The following ITGB5 variants were observed in gnomAD, a reference collection of about 807,000 sequenced individuals.
ITGB5 encodes the protein integrin beta-5.
In ITGB5, 38 loss-of-function variants were observed where a neutral mutation model predicts 84.8. The observed-to-expected ratio is 0.45, with a 90% CI of 0.35 to 0.59. ITGB5 has a LOEUF of 0.59. Among genes scored for constraint, ITGB5 ranks in the 20% least tolerant of loss-of-function variants. The probability of loss-of-function intolerance (pLI) is 0.01; values close to 1 mark genes in which losing one functional copy is unlikely to be tolerated. For synonymous variants in ITGB5, 393 were observed against 414.4 expected, an observed-to-expected ratio of 0.95 and a Z score of 0.63; for missense variants, 905 against 1,034.5, an observed-to-expected ratio of 0.87 and a Z score of 1.72.
At chr3:124,876,367 AAC>A (rs200573477) in intron 1 of ITGB5, among the ~76,000 whole-genome samples, 1,945 of 152,248 alleles carry the variant, frequency 0.013, 54 homozygotes, top group African/African-American at 0.043. Flanking sequence ...TTAAAAAAAA[AAC>A]AAACCAGTAT....
In ITGB5 at chr3:124,808,592, G is replaced by C. The variant is rs546986494; in HGVS notation, c.1263+430C>G. Among the ~76,000 whole-genome samples, 41 of 152,328 alleles carry C rather than the reference G, an allele frequency of 2.7e-4. No homozygotes were observed. The South Asian group carries it at 5.4e-3, about 20-fold the overall frequency. On this transcript the variant is annotated intron_variant, in intron 9 of 14. Coordinates refer to ENST00000296181, the MANE Select transcript of ITGB5 (RefSeq NM_002213.5). ...TCTATTTCACCAAAACAGAATGGGG[G>C]GAGTGGCTTTCTTTACATTTCACAG...
At chr3:124,786,596 G>GAGAACAAC (rs1325128629) in intron 10 of ITGB5, among the ~76,000 whole-genome samples, 1 of 152,030 alleles carries the variant, frequency 6.6e-6, no homozygotes, top group Non-Finnish European at 1.5e-5. Flanking sequence ...CTCTGGGTCA[G>GAGAACAAC]AGAACAACAG....
At chr3:124,823,026 T>G (rs1298184040) in intron 5 of ITGB5, among the ~76,000 whole-genome samples, 1 of 151,960 alleles carries the variant, frequency 6.6e-6, no homozygotes, top group Non-Finnish European at 1.5e-5. Flanking sequence ...TTTGGGAGGC[T>G]GAGGTGAGAG....
chr3:124,826,684 G>C lies in ITGB5; in HGVS notation c.781-5210C>G, dbSNP rs572814314. 5.9e-5 allele frequency among the ~76,000 whole-genome samples: 9 copies of C among 152,294 alleles called. No homozygotes were observed. In the East Asian group the frequency reaches 1.5e-3, roughly 26 times the overall value. ...GAGAAGAACTGTGCATGTAATAAAT[G>C]GGATAATTCATAAACGTGCCTGGTT... On this transcript the variant is annotated intron_variant, in intron 5 of 14. Coordinates refer to ENST00000296181, the MANE Select transcript of ITGB5 (RefSeq NM_002213.5).
Position 124,841,487 on chromosome 3 carries a change from T to C in ITGB5, c.676A>G (p.Arg226Gly). The C allele has an allele frequency of 6.2e-7, 1 of 1,614,232 alleles. No individual in the cohort carries two copies. Among genetic ancestry groups the C allele is most frequent in the Non-Finnish European group, 8.5e-7 (1 of 1,180,034 alleles). ...GFRHLLPLTD[R>G]VDSFNEEVRK... ...ACTTCCTCATTGAAGCTGTCCACTC[T>C]GTCTGTGAGAGGCAGCAGATGGCGG... Residue 226 changes from arginine (R) to glycine (G), a missense_variant, in exon 5 of 15, where the codon AGA becomes GGA. Transcript: ENST00000296181.
intron 9 of ITGB5, among the ~76,000 whole-genome samples, chr3:124,806,424 A>AT (rs71145488): frequency 0.11 from 8,162 of 72,906 alleles, 1,909 homozygotes; most frequent in Non-Finnish European, 0.14. Flanking sequence ...GCCTCATTCC[A>AT]TTTTTTTTTT....
intron 4 of ITGB5, among the ~76,000 whole-genome samples, chr3:124,845,504 C>T (rs181329859): frequency 1.3e-5 from 2 of 152,358 alleles, no homozygotes; most frequent in African/African-American, 4.8e-5. Flanking sequence ...TTTCCTTCCA[C>T]ATTCTCATTC....
intron 2 of ITGB5, among the ~76,000 whole-genome samples, chr3:124,869,513 T>C (rs2065444508): frequency 6.6e-6 from 1 of 152,174 alleles, no homozygotes; most frequent in South Asian, 2.1e-4. Flanking sequence ...AGGTTGAAGC[T>C]AGAGTGAGCC....
chr3:124,793,555 G>A (rs544909362), intron 10 of ITGB5, among the ~76,000 whole-genome samples: 1 of 152,226 alleles, frequency 6.6e-6, no homozygotes. Flanking sequence ...ACTCATAGAG[G>A]AGCCAGCATT....
intron 10 of ITGB5, among the ~76,000 whole-genome samples, chr3:124,796,168 TGA>T (rs1016743459): frequency 1.1e-4 from 17 of 152,226 alleles, no homozygotes; most frequent in African/African-American, 4.1e-4. Flanking sequence ...CCTCGAATTC[TGA>T]GAGTCCACAA....
rs117360973 is a variant in ITGB5 at position 124,893,487 on chromosome 3, G to A, written c.-255+7779C>T. Among the ~76,000 whole-genome samples the A allele has an allele frequency of 1.1e-4, 16 of 152,260 alleles. No homozygotes were observed. In the East Asian group the frequency reaches 3.1e-3, roughly 29 times the overall value. ...ATTCCTTTTTATAGGAAAATGCTCT[G>A]TCATAAGTTTTTCTTTCCCTGTCCA... On this transcript the variant is annotated intron_variant, in intron 1 of 4. Transcript: ENST00000608657.
chr3:124,864,706 C>G (rs9815349), intron 2 of ITGB5, among the ~76,000 whole-genome samples: 23,835 of 151,628 alleles, frequency 0.16, 1,962 homozygotes, highest in South Asian at 0.21. Flanking sequence ...ACCCATATAA[C>G]AAACCTGCAC....
At chr3:124,817,130 C>T (rs2064613669) in intron 8 of ITGB5, among the ~76,000 whole-genome samples, 1 of 152,138 alleles carries the variant, frequency 6.6e-6, no homozygotes, top group Admixed American at 6.5e-5. Flanking sequence ...TGCAGCTCTA[C>T]CCTGAGCTCC....
chr3:124,838,188 T>C (rs2064962676), intron 5 of ITGB5, among the ~76,000 whole-genome samples: 1 of 149,038 alleles, frequency 6.7e-6, no homozygotes, highest in Admixed American at 6.7e-5. Context: ...TTCTTTATTC[T>C]GAAACTGTTC....
At chr3:124,821,837 C>T (rs1044988343) in intron 5 of ITGB5, among the ~76,000 whole-genome samples, 1 of 152,212 alleles carries the variant, frequency 6.6e-6, no homozygotes, top group African/African-American at 2.4e-5. Context: ...GCTATTCTTC[C>T]TTCCCCAGAA....
intron 9 of ITGB5, among the ~76,000 whole-genome samples, chr3:124,799,985 C>T (rs1254799936): frequency 6.6e-6 from 1 of 152,108 alleles, no homozygotes; most frequent in Non-Finnish European, 1.5e-5. Flanking sequence ...TATGCCTGCC[C>T]GAAGCCACCC....
intron 2 of ITGB5, among the ~76,000 whole-genome samples, chr3:124,867,336 G>A (rs541590856): frequency 5.9e-5 from 9 of 152,242 alleles, no homozygotes; most frequent in Admixed American, 1.3e-4. Flanking sequence ...TCCTTCTCCC[G>A]GATTTCACAG....
intron 1 of ITGB5, among the ~76,000 whole-genome samples, chr3:124,875,643 C>T (rs1934276018): frequency 6.6e-6 from 1 of 152,056 alleles, no homozygotes; most frequent in Admixed American, 6.6e-5. Context: ...CCAGCAATTC[C>T]ACTTCGGGGT....
chr3:124,834,041 A>T (rs2064894228), intron 5 of ITGB5, among the ~76,000 whole-genome samples: 1 of 152,222 alleles, frequency 6.6e-6, no homozygotes, highest in Non-Finnish European at 1.5e-5. Flanking sequence ...CACAGGTTAG[A>T]CATTAAAAGG....
Sources: allele counts gnomAD v4.1 joint callset (sites outside exome capture counted in the v4.1 genomes callset), GRCh38; gene constraint gnomAD v4.1.1; transcripts MANE v1.5; gene names NCBI Gene and HGNC (gene_info 2026-07-23, HGNC 2026-07-21).